TAF4: variants seen among roughly 807,000 people sequenced by gnomAD.
TAF4 encodes the protein transcription initiation factor TFIID subunit 4.
TAF4 carries 9 observed loss-of-function variants against 90.3 expected under a neutral mutation model. That is an observed-to-expected ratio of 0.10 (90% CI 0.06 to 0.17). TAF4 has a LOEUF of 0.17. Among genes scored for constraint, TAF4 ranks in the 10% least tolerant of loss-of-function variants. TAF4 has a pLI of 1.00. For missense variants in TAF4, 1,351 were observed against 1,370.7 expected (o/e 0.99, Z 0.23); for synonymous variants, 818 against 638.9 (o/e 1.28, Z -4.23).
At chr20:62,038,128 A>G (rs2055943887) in intron 1 of TAF4, among the ~76,000 whole-genome samples, 1 of 151,940 alleles carries the variant, frequency 6.6e-6, no homozygotes, top group Non-Finnish European at 1.5e-5. Flanking sequence ...TCCCAGGTTC[A>G]TGCCATTCTC....
chr20:61,976,012 C>G lies in TAF4; in HGVS notation c.*156G>C. 2.7e-6 allele frequency: 2 copies of G among 739,542 alleles called. No individual in the cohort carries two copies. The highest frequency in any genetic ancestry group is 5.4e-5 in the East Asian group (2 of 37,244). The allele number at this position is 739,542 out of a possible 1,614,324, so 45.8% of individuals were successfully genotyped here. On this transcript the variant is annotated 3_prime_UTR_variant, in exon 15 of 15. Transcript: ENST00000252996. The stretch of plus-strand genomic sequence containing the variant: ...CTTTGTGTTCTCTCTGTTACAGAAA[C>G]GTGTTTTCTTTCACACTGAAGAGCT...
At position 62,014,789 on chromosome 20, in the gene TAF4, G is replaced by T. The variant is rs146164523; in HGVS notation, c.1361-82C>A. On this transcript the variant is annotated intron_variant, in intron 1 of 14. Coordinates refer to ENST00000252996, the MANE Select transcript of TAF4 (RefSeq NM_003185.4). ...GCCCTGGCCTGACCCAGGGGAAGCT[G>T]ACAGCTGTGAGAAGGAAACAAAGGA... The T allele has an allele frequency of 1.1e-4, 177 of 1,541,034 alleles. 1 individual carries two copies. The East Asian group carries it at 3.8e-3, about 33-fold the overall frequency.
At chr20:62,035,895 A>G (rs1409875046) in intron 1 of TAF4, among the ~76,000 whole-genome samples, 1 of 146,968 alleles carries the variant, frequency 6.8e-6, no homozygotes, top group Non-Finnish European at 1.5e-5. Context: ...AAAAAGACAC[A>G]AACAGACATT....
At chr20:62,039,248 A>C (rs968502189) in intron 1 of TAF4, among the ~76,000 whole-genome samples, 1 of 152,200 alleles carries the variant, frequency 6.6e-6, no homozygotes, top group African/African-American at 2.4e-5. Flanking sequence ...GCAGAAGGGA[A>C]GACAAGGACA....
chr20:62,014,029 T>TGTGGGTGTGTGG lies in TAF4; in HGVS notation c.1521+517_1521+518insCCACACACCCAC, dbSNP rs1568932198. Among the ~76,000 whole-genome samples, 20 of 140,202 alleles carry TGTGGGTGTGTGG rather than the reference T, an allele frequency of 1.4e-4. 2 individuals are homozygous for TGTGGGTGTGTGG. Among genetic ancestry groups the TGTGGGTGTGTGG allele is most frequent in the African/African-American group, 5.6e-4 (20 of 36,000 alleles). The allele number at this position is 140,202 out of a possible 152,430, so 92.0% of individuals were successfully genotyped here. A position where few individuals can be genotyped will look rare whatever the true frequency, so the allele number is the denominator to read the frequency against. ...TGACGCGGGGGTGTGGGTGTGTGTG[T>TGTGGGTGTGTGG]GTGTGTGTGTGTGTGTATGTGTGTG... is the stretch of plus-strand genomic sequence containing the variant. On this transcript the variant is annotated intron_variant, in intron 2 of 14. Coordinates refer to ENST00000252996, the MANE Select transcript of TAF4 (RefSeq NM_003185.4).
intron 1 of TAF4, among the ~76,000 whole-genome samples, chr20:62,047,938 G>A (rs771101255): frequency 9.9e-5 from 15 of 152,148 alleles, no homozygotes; most frequent in Non-Finnish European, 7.4e-5. Context: ...GCCTGACACC[G>A]GCAACCCTGC....
chr20:61,997,985 ATGT>A, intron 13 of TAF4, 148 bp downstream of exon 13: 1 of 754,978 alleles, frequency 1.3e-6, no homozygotes, highest in Non-Finnish European at 2.1e-6. Context: ...AATACCTCTG[ATGT>A]TGTATTTATT....
Position 61,997,686 on chromosome 20 carries a change from G to A in TAF4, c.2971-17C>T, listed in dbSNP as rs878984681. On this transcript the variant is annotated splice_polypyrimidine_tract_variant and intron_variant, in intron 13 of 14. Transcript: ENST00000252996. The stretch of plus-strand genomic sequence containing the variant: ...TTGCTGCATCTTTTATTTTGAAAAG[G>A]AGACAAGGAGCATCATTTCTTGCAT... 1 of 1,605,772 alleles carries A rather than the reference G, an allele frequency of 6.2e-7. No homozygotes were observed. Among genetic ancestry groups the A allele is most frequent in the South Asian group, 1.1e-5 (1 of 89,366 alleles).
In TAF4 at chr20:62,065,500, C is replaced by T. The variant is rs868317777; in HGVS notation, c.311G>A (p.Arg104His). The T allele has an allele frequency of 8.9e-3, 8,613 of 969,940 alleles. 43 individuals are homozygous for T. The highest frequency in any genetic ancestry group is 0.015 in the South Asian group (327 of 21,720). The allele number at this position is 969,940 out of a possible 1,614,324, so 60.1% of individuals were successfully genotyped here. The change falls in exon 1 of 15, where the codon CGC (arginine) becomes CAC (histidine). Residue 104 changes from arginine to histidine, a missense_variant. Physicochemically the swap from Arg to His is conservative, Grantham distance 29 (BLOSUM62 0). Around this residue, in one of 9 missense-constraint regions of TAF4, gnomAD observed 782 missense variants for 536.6 expected, o/e 1.46. Transcript: ENST00000252996. ...RARPGGGGPQRPGPPSPRRPL... is the reference protein window; with the variant it reads ...RARPGGGGPQHPGPPSPRRPL... Reference sequence around the variant, plus strand: ...GCGGCGCGGTGAGGGGGGGCCCGGGCGCTGCGGCCCCCCGCCCCCCGGCCG... The same window carrying T: ...GCGGCGCGGTGAGGGGGGGCCCGGGTGCTGCGGCCCCCCGCCCCCCGGCCG...
chr20:62,013,769 T>C (rs1001473903), intron 2 of TAF4, among the ~76,000 whole-genome samples: 1 of 152,176 alleles, frequency 6.6e-6, no homozygotes, highest in Non-Finnish European at 1.5e-5. Context: ...TGCGGGCACG[T>C]GCAGGTGACA....
At position 62,037,931 on chromosome 20, in the gene TAF4, T is replaced by G. The variant is rs115424978; in HGVS notation, c.1361-23224A>C. 1,713 of 197,460 alleles carry G rather than the reference T, an allele frequency of 8.7e-3. 37 individuals are homozygous for G. The highest frequency in any genetic ancestry group is 0.037 in the African/African-American group (1,612 of 43,032). The allele number at this position is 197,460 out of a possible 1,614,324, so 12.2% of individuals were successfully genotyped here. A position where few individuals can be genotyped will look rare whatever the true frequency, so the allele number is the denominator to read the frequency against. On this transcript the variant is annotated intron_variant, in intron 1 of 14. Transcript: ENST00000252996. ...GGATTTGCACGATTTTGTGGGGATT[T>G]CTGGGTCAAGTGACTAATGAACCAT... is the stretch of plus-strand genomic sequence containing the variant.
Position 62,003,863 on chromosome 20 carries a change from G to T in TAF4, c.2239C>A (p.Pro747Thr). 6.3e-7 allele frequency: 1 copy of T among 1,576,156 alleles called. No individual in the cohort carries two copies. The change falls in exon 8 of 15, where the codon CCG becomes ACG. Residue 747 changes from proline (P) to threonine (T), a missense_variant. Around this residue, in one of 9 missense-constraint regions of TAF4, gnomAD observed 202 missense variants for 229.7 expected, o/e 0.88. Transcript: ENST00000252996. ...GGCCGGATCAGGGCTCCTGGCTTCG[G>T]AGGCTGCTGGATGACCTGAGGCAGA... ...QPTPLVIQQP[P>T]KPGALIRPPQ...
intron 14 of TAF4, among the ~76,000 whole-genome samples, chr20:61,988,305 A>G (rs769071564): frequency 6.6e-6 from 1 of 152,202 alleles, no homozygotes; most frequent in Non-Finnish European, 1.5e-5. Context: ...GGAGGAGGGT[A>G]TGGGAAGTCT....
chr20:62,030,281 T>C (rs376280729), intron 1 of TAF4, among the ~76,000 whole-genome samples: 41 of 152,346 alleles, frequency 2.7e-4, no homozygotes, highest in African/African-American at 7.5e-4. Context: ...GAGTTTCTGG[T>C]GTCCTGGATA....
At chr20:62,057,310 G>C (rs1419960569) in intron 1 of TAF4, among the ~76,000 whole-genome samples, 1 of 152,214 alleles carries the variant, frequency 6.6e-6, no homozygotes, top group Non-Finnish European at 1.5e-5. Flanking sequence ...GTCCTGCCTT[G>C]TCCACGCACT....
chr20:62,046,280 A>G (rs1481487930), intron 1 of TAF4, among the ~76,000 whole-genome samples: 1 of 152,222 alleles, frequency 6.6e-6, no homozygotes, highest in Non-Finnish European at 1.5e-5. Flanking sequence ...GCAATTTGAA[A>G]AGTTTGGGCA....
intron 1 of TAF4, among the ~76,000 whole-genome samples, chr20:62,024,907 C>T (rs1168851700): frequency 1.3e-5 from 2 of 151,994 alleles, no homozygotes; most frequent in African/African-American, 2.4e-5. Context: ...ATAGACCCTT[C>T]GCCAAAGGTG....
intron 1 of TAF4, among the ~76,000 whole-genome samples, chr20:62,052,755 A>G (rs1216266570): frequency 1.5e-3 from 46 of 31,600 alleles, no homozygotes; most frequent in African/African-American, 5.7e-3. Flanking sequence ...CACACCCCAC[A>G]CCCCGGGTCC....
rs1486362007 is a variant in TAF4 at position 62,010,009 on chromosome 20, G to C, written c.1761+37C>G. 1.2e-6 allele frequency: 2 copies of C among 1,610,342 alleles called. No individual in the cohort carries two copies. Among genetic ancestry groups the C allele is most frequent in the African/African-American group, 2.7e-5 (2 of 74,906 alleles). ...ATTTTCTGACCTGCGCCACGGGCCT[G>C]ACCGTCTTTGAAGGCACGGAAAGGA... is the stretch of plus-strand genomic sequence containing the variant. On this transcript the variant is annotated intron_variant, in intron 4 of 14. Transcript: ENST00000252996. The surrounding 1 kb of genome is among the most constrained non-coding windows in gnomAD (Gnocchi z 4.5).
Sources: allele counts gnomAD v4.1 joint callset (sites outside exome capture counted in the v4.1 genomes callset), GRCh38; gene constraint gnomAD v4.1.1; regional missense constraint gnomAD v4.1.1; non-coding constraint Gnocchi (gnomAD v3.1); transcripts MANE v1.5; gene names NCBI Gene and HGNC (gene_info 2026-07-23, HGNC 2026-07-21).